The following MAGEC3 variants were observed in gnomAD, a reference collection of about 807,000 sequenced individuals.
The protein encoded by MAGEC3 is melanoma-associated antigen C3.
In MAGEC3, 34 loss-of-function variants were observed where a neutral mutation model predicts 35.3. That is an observed-to-expected ratio of 0.96 (90% CI 0.73 to 1.28). The LOEUF is 1.28. Among genes scored for constraint, MAGEC3 ranks in the 50% most tolerant of loss-of-function variants. The probability of loss-of-function intolerance (pLI) is 0.00; values close to 1 mark genes in which losing one functional copy is unlikely to be tolerated. For missense variants in MAGEC3, 561 were observed against 483.6 expected (o/e 1.16, Z -1.50); for synonymous variants, 202 against 185.6 (o/e 1.09, Z -0.72).
chrX:141,881,799 GT>G lies in MAGEC3; in HGVS notation c.909+4del, dbSNP rs2017968187. 1 of 1,209,443 alleles carries G rather than the reference GT, an allele frequency of 8.3e-7. No individual in the cohort carries two copies. ...GGGAAGTGCTGAATGCAATAGGGGT[GT>G]GTGCTCAGAGGGAGCATTTCGTCTA... is the stretch of plus-strand genomic sequence containing the variant. On this transcript the variant is annotated splice_donor_region_variant and intron_variant, in intron 4 of 7. Coordinates refer to ENST00000298296, the MANE Select transcript of MAGEC3 (RefSeq NM_138702.1).
intron 2 of MAGEC3, among the ~76,000 whole-genome samples, chrX:141,875,964 C>T (rs940696944): frequency 8.9e-6 from 1 of 111,893 alleles, no homozygotes; most frequent in East Asian, 2.8e-4. Flanking sequence ...TGAGTTGATC[C>T]TGGCCATAGT....
intron 4 of MAGEC3, among the ~76,000 whole-genome samples, chrX:141,891,576 C>A (rs1483596560): frequency 3.7e-5 from 4 of 108,342 alleles, no homozygotes; most frequent in African/African-American, 1.3e-4. Context: ...CAAAATTCAG[C>A]CCCCTACTCA....
Position 141,897,546 on chromosome X carries a change from T to C in MAGEC3, c.1728+60T>C, listed in dbSNP as rs142979516. The C allele has an allele frequency of 1.6e-4, 192 of 1,193,658 alleles. 2 individuals are homozygous for C. The African/African-American group carries it at 2.4e-3, about 15-fold the overall frequency. ...ATCCCAGAAAGCTGCTCACTATACA[T>C]TGGGTGCAGAGAAAGTACCTGGAGT... On this transcript the variant is annotated intron_variant, in intron 7 of 7. Coordinates refer to ENST00000298296, the MANE Select transcript of MAGEC3 (RefSeq NM_138702.1).
chrX:141,848,369 A>G (rs192755021), intron 1 of MAGEC3, among the ~76,000 whole-genome samples: 1 of 110,692 alleles, frequency 9.0e-6, no homozygotes, highest in Non-Finnish European at 1.9e-5. Context: ...GATTCTATAA[A>G]TAGGAAACCC....
chrX:141,881,820 C>G, intron 4 of MAGEC3, 24 bp downstream of exon 4: 1 of 1,210,341 alleles, frequency 8.3e-7, no homozygotes, highest in South Asian at 1.8e-5. Flanking sequence ...GGGAGCATTT[C>G]GTCTATCGGG....
chrX:141,889,336 A>C (rs12006798), intron 4 of MAGEC3, among the ~76,000 whole-genome samples: 10,195 of 111,265 alleles, frequency 0.092, 625 homozygotes, highest in African/African-American at 0.21. Flanking sequence ...AACACCACTC[A>C]CCATCACCCC....
intron 2 of MAGEC3, among the ~76,000 whole-genome samples, chrX:141,878,752 AG>A (rs1474614776): frequency 8.9e-6 from 1 of 111,825 alleles, no homozygotes; most frequent in Non-Finnish European, 1.9e-5. Flanking sequence ...GGCCTTGGGC[AG>A]GGCCCTCAGT....
intron 2 of MAGEC3, among the ~76,000 whole-genome samples, chrX:141,878,833 A>G (rs1324520623): frequency 2.7e-5 from 3 of 111,953 alleles, no homozygotes; most frequent in Non-Finnish European, 5.7e-5. Context: ...GATCTGAAGA[A>G]CATAGTCTCT....
At chrX:141,854,225 G>A (rs898928465) in intron 1 of MAGEC3, among the ~76,000 whole-genome samples, 1 of 111,005 alleles carries the variant, frequency 9.0e-6, no homozygotes, top group Non-Finnish European at 1.9e-5. Context: ...ACACACAGAT[G>A]ATTACAATTT....
chrX:141,855,148 G>A (rs1414907806), intron 1 of MAGEC3, among the ~76,000 whole-genome samples: 3 of 110,657 alleles, frequency 2.7e-5, no homozygotes, highest in Non-Finnish European at 5.7e-5. Flanking sequence ...TGTGTAGTTG[G>A]CTGTCCACTA....
In MAGEC3 at chrX:141,892,836, G is replaced by C. The variant is rs190580539; in HGVS notation, c.910-2433G>C. ...AAAGTACCAGCTACCTAAGAAAAAA[G>C]AGATAAATTGGACTTAATTAAAACT... On this transcript the variant is annotated intron_variant, in intron 4 of 7. Transcript: ENST00000298296. Among the ~76,000 whole-genome samples the C allele has an allele frequency of 7.2e-5, 8 of 111,719 alleles. No homozygotes were observed. The East Asian group carries it at 2.3e-3, about 31-fold the overall frequency.
chrX:141,894,988 G>A (rs1296232173), intron 4 of MAGEC3, among the ~76,000 whole-genome samples: 5 of 97,248 alleles, frequency 5.1e-5, no homozygotes, highest in African/African-American at 1.9e-4. Flanking sequence ...AGGAAGGAGT[G>A]GGAGTGGTGG....
At chrX:141,894,567 G>A in intron 4 of MAGEC3, 2 of 811,848 alleles carry the variant, frequency 2.5e-6, no homozygotes, top group South Asian at 2.5e-5. Flanking sequence ...CGGGACAGGA[G>A]AAGGGGGGAG....
rs745738727 is a variant in MAGEC3, at chrX:141,856,170, C to T, written c.124-9301C>T. Among the ~76,000 whole-genome samples the T allele has an allele frequency of 5.4e-5, 6 of 111,469 alleles. No homozygotes were observed. The East Asian group carries it at 1.1e-3, about 21-fold the overall frequency. On this transcript the variant is annotated intron_variant, in intron 1 of 7. Transcript: ENST00000298296. The stretch of plus-strand genomic sequence containing the variant: ...CTTTGGTTTTTCATAACTTAGAAAG[C>T]GAAAGACAAGCCTAAGTAATATGCA...
intron 1 of MAGEC3, among the ~76,000 whole-genome samples, chrX:141,860,833 A>G (rs1231501366): frequency 9.0e-6 from 1 of 111,443 alleles, no homozygotes; most frequent in African/African-American, 3.3e-5. Context: ...ATGGATAAAG[A>G]GTGTCAGTTT....
rs774391941 is a variant in MAGEC3 at position 141,849,806 on chromosome X, T to A, written c.123+11368T>A. The stretch of plus-strand genomic sequence containing the variant: ...ACCGTTGTTGGGAATGAAAATTTCT[T>A]CAGCCACGGTGGAAAGGAGTTGGAG... On this transcript the variant is annotated intron_variant, in intron 1 of 7. Transcript: ENST00000298296. 1.1e-4 allele frequency among the ~76,000 whole-genome samples: 12 copies of A among 111,498 alleles called. No individual in the cohort carries two copies. In the East Asian group the frequency reaches 3.4e-3, roughly 32 times the overall value.
At chrX:141,890,168 G>C (rs1291981386) in intron 4 of MAGEC3, among the ~76,000 whole-genome samples, 1 of 110,798 alleles carries the variant, frequency 9.0e-6, no homozygotes, top group African/African-American at 3.3e-5. Context: ...TATTAGTTCT[G>C]TCCCTCTAGA....
intron 1 of MAGEC3, among the ~76,000 whole-genome samples, chrX:141,847,565 T>C (rs2017724449): frequency 9.0e-6 from 1 of 111,547 alleles, no homozygotes; most frequent in African/African-American, 3.2e-5. Context: ...AGAAATAAAT[T>C]TGTGAAATAC....
intron 1 of MAGEC3, among the ~76,000 whole-genome samples, chrX:141,863,853 C>G (rs1481738059): frequency 9.0e-6 from 1 of 111,546 alleles, no homozygotes; most frequent in African/African-American, 3.3e-5. Flanking sequence ...AGGAACTACT[C>G]TCATTTATTG....
Sources: gnomAD v4.1 joint callset for allele counts (sites outside exome capture counted in the v4.1 genomes callset) on GRCh38, gnomAD v4.1.1 for gene constraint, MANE v1.5 for transcripts, NCBI Gene and HGNC (gene_info 2026-07-23, HGNC 2026-07-21) for gene names.